SQOR: variants seen among roughly 807,000 people sequenced by gnomAD.
The protein encoded by SQOR is sulfide:quinone oxidoreductase, mitochondrial.
A neutral mutation model predicts 48.6 loss-of-function variants in SQOR; 39 were observed. The observed-to-expected ratio is 0.80, with a 90% confidence interval of 0.62 to 1.05. The LOEUF (loss-of-function observed/expected upper bound fraction) is 1.05, where lower values mean the gene tolerates loss of function less well. Among genes scored for constraint, SQOR ranks in the 50% least tolerant of loss-of-function variants. The pLI, the probability that SQOR is intolerant of heterozygous loss-of-function variation, is 0.00. For missense variants in SQOR, 561 were observed against 559.9 expected (o/e 1.00, Z -0.02); for synonymous variants, 220 against 206.2 (o/e 1.07, Z -0.57).
chr15:45,666,831 TC>T (rs1889830000), intron 3 of SQOR, among the ~76,000 whole-genome samples: 1 of 22,070 alleles, frequency 4.5e-5, no homozygotes, highest in Non-Finnish European at 8.9e-5. Context: ...CCTCCTCTCC[TC>T]TCCCCTCCCC....
chr15:45,633,434 G>A (rs1372479795), upstream of SQOR, among the ~76,000 whole-genome samples: 1 of 152,102 alleles, frequency 6.6e-6, no homozygotes, highest in Non-Finnish European at 1.5e-5. Flanking sequence ...GATGGCTCAC[G>A]CCTGTAATCC....
chr15:45,676,100 G>T lies in SQOR; in HGVS notation c.655-1G>T. On this transcript the variant is annotated splice_acceptor_variant, in intron 5 of 9. Transcript: ENST00000260324. LOFTEE classifies it high-confidence loss of function. The stretch of plus-strand genomic sequence containing the variant: ...GTGAATGGTTTTCTTATTTTTCTCA[G>T]ACAGGGAAGCGATCCAAGGCCAATA... 6.2e-7 allele frequency: 1 copy of T among 1,610,992 alleles called. No homozygotes were observed. The highest frequency in any genetic ancestry group is 1.1e-5 in the South Asian group (1 of 90,540).
intron 8 of SQOR, among the ~76,000 whole-genome samples, chr15:45,688,758 C>T (rs1890268026): frequency 6.6e-6 from 1 of 152,138 alleles, no homozygotes. Flanking sequence ...GATGATCCAC[C>T]CGCCTTGGCC....
chr15:45,644,704 CTG>C (rs1327869886), intron 1 of SQOR, among the ~76,000 whole-genome samples: 1 of 152,090 alleles, frequency 6.6e-6, no homozygotes, highest in African/African-American at 2.4e-5. Context: ...AGGCAAAAGA[CTG>C]TATTGTGAGG....
intron 2 of SQOR, 102 bp from the exon 3 acceptor site, chr15:45,661,853 G>T (rs1475323144): frequency 1.6e-6 from 2 of 1,246,842 alleles, no homozygotes; most frequent in African/African-American, 1.5e-5. Context: ...TGCTCTAAAG[G>T]TCAGGAGGGA....
chr15:45,650,169 T>C (rs1889447592), intron 1 of SQOR, among the ~76,000 whole-genome samples: 1 of 152,172 alleles, frequency 6.6e-6, no homozygotes, highest in African/African-American at 2.4e-5. Flanking sequence ...CAATGTGGTC[T>C]GGCTCTGTCG....
chr15:45,655,821 C>CTACA (rs1889595355), intron 1 of SQOR, among the ~76,000 whole-genome samples: 2 of 151,750 alleles, frequency 1.3e-5, no homozygotes, highest in African/African-American at 4.8e-5. Flanking sequence ...GTAGCTGGGA[C>CTACA]TACAGGTGTA....
chr15:45,688,146 G>A (rs1051103192), intron 7 of SQOR, among the ~76,000 whole-genome samples, 191 bp from the exon 8 acceptor site: 4 of 152,144 alleles, frequency 2.6e-5, no homozygotes, highest in Non-Finnish European at 2.9e-5. Context: ...AAACACATGC[G>A]CAGGCCTTCC....
At chr15:45,674,549 C>T (rs1365301042) in intron 5 of SQOR, among the ~76,000 whole-genome samples, 1 of 152,046 alleles carries the variant, frequency 6.6e-6, no homozygotes, top group Non-Finnish European at 1.5e-5. Context: ...TAATGCTATC[C>T]ACTACTTCCA....
chr15:45,661,289 T>TAAAAAAAAAAAAA (rs777334925), intron 2 of SQOR, among the ~76,000 whole-genome samples: 1 of 84,378 alleles, frequency 1.2e-5, no homozygotes, highest in African/African-American at 4.6e-5. Flanking sequence ...AGACTCTGTC[T>TAAAAAAAAAAAAA]TAAAAAAAAA....
chr15:45,647,118 G>A (rs1444116604), intron 1 of SQOR, among the ~76,000 whole-genome samples: 1 of 151,808 alleles, frequency 6.6e-6, no homozygotes, highest in Non-Finnish European at 1.5e-5. Flanking sequence ...GTGTTGTGGT[G>A]GGCGCCTGTA....
chr15:45,676,020 T>G (rs1595506926), intron 5 of SQOR, 81 bp from the exon 6 acceptor site: 1 of 1,394,936 alleles, frequency 7.2e-7, no homozygotes. Context: ...CTGCTGAGGG[T>G]TTTAATTCTT....
At chr15:45,637,226 T>C (rs12594997) in intron 1 of SQOR, among the ~76,000 whole-genome samples, 16,797 of 152,214 alleles carry the variant, frequency 0.11, 1,348 homozygotes, top group East Asian at 0.45. Context: ...CCTCAAGTGA[T>C]CTGCCCTTGT....
intron 1 of SQOR, among the ~76,000 whole-genome samples, chr15:45,652,385 A>G (rs917254082): frequency 6.6e-6 from 1 of 152,002 alleles, no homozygotes; most frequent in Non-Finnish European, 1.5e-5. Context: ...CCCAGGCTGG[A>G]GTGCAGGGGT....
In SQOR at chr15:45,691,072, A is replaced by C; in HGVS notation, c.*42A>C. ...GCTCATCTTGGATGGCTTCTGGGCC[A>C]AAACTGCAGTCACTGAATGACCAAG... On this transcript the variant is annotated 3_prime_UTR_variant, in exon 10 of 10. Coordinates refer to ENST00000260324, the MANE Select transcript of SQOR (RefSeq NM_021199.4). 1 of 1,552,380 alleles carries C rather than the reference A, an allele frequency of 6.4e-7. No individual in the cohort carries two copies. Among genetic ancestry groups the C allele is most frequent in the Non-Finnish European group, 8.9e-7 (1 of 1,123,792 alleles).
chr15:45,687,201 G>A (rs1890240707), intron 7 of SQOR, among the ~76,000 whole-genome samples: 1 of 151,776 alleles, frequency 6.6e-6, no homozygotes, highest in African/African-American at 2.4e-5. Flanking sequence ...ATCTCGGCTT[G>A]CTGCAACCTC....
intron 1 of SQOR, among the ~76,000 whole-genome samples, chr15:45,641,091 T>A (rs902674553): frequency 2.6e-5 from 4 of 152,216 alleles, no homozygotes; most frequent in African/African-American, 9.7e-5. Flanking sequence ...TTTGAAATAA[T>A]CCAATTGACT....
At chr15:45,648,421 C>T (rs1347137323) in intron 1 of SQOR, among the ~76,000 whole-genome samples, 1 of 152,152 alleles carries the variant, frequency 6.6e-6, no homozygotes, top group Admixed American at 6.5e-5. Flanking sequence ...CGTGATCCGC[C>T]CACCTTGGCC....
At chr15:45,649,975 T>G (rs1566915391) in intron 1 of SQOR, among the ~76,000 whole-genome samples, 1 of 152,002 alleles carries the variant, frequency 6.6e-6, no homozygotes. Flanking sequence ...CCCAAGTACC[T>G]GGGATTACAG....
Sources: allele counts gnomAD v4.1 joint callset (sites outside exome capture counted in the v4.1 genomes callset), GRCh38; gene constraint gnomAD v4.1.1; transcripts MANE v1.5; gene names NCBI Gene and HGNC (gene_info 2026-07-23, HGNC 2026-07-21).